The following IRS1 variants were observed in gnomAD, a reference collection of about 807,000 sequenced individuals.
The protein encoded by IRS1 is insulin receptor substrate 1.
A neutral mutation model predicts 65.6 loss-of-function variants in IRS1; 34 were observed. The observed-to-expected ratio is 0.52, with a 90% confidence interval of 0.39 to 0.69. The LOEUF is 0.69. IRS1 is among the 30% of genes least tolerant of loss of function. The pLI is 0.00. For synonymous variants in IRS1, 699 were observed against 683.5 expected, an observed-to-expected ratio of 1.02 and a Z score of -0.35; for missense variants, 1,641 against 1,720.2, an observed-to-expected ratio of 0.95 and a Z score of 0.81.
At chr2:226,765,265 A>T (rs898968666) in intron 1 of IRS1, among the ~76,000 whole-genome samples, 2 of 152,208 alleles carry the variant, frequency 1.3e-5, no homozygotes, top group African/African-American at 4.8e-5. Context: ...TCTTAGAAAA[A>T]ATCTGCTTAG....
Position 226,799,430 on chromosome 2 carries a change from G to C in IRS1, c.-692C>G. On this transcript the variant is annotated 5_prime_UTR_variant, in exon 1 of 2. Transcript: ENST00000305123. This position sits in a 1 kb window ranked among gnomAD's most constrained non-coding sequence, Gnocchi z 6.1. ...GCGCGTCCTCTGCAGCCCCCATCCG[G>C]GCCCATCTCGGCGGGTGGAGAAAGT... The C allele has an allele frequency of 8.3e-7, 1 of 1,211,068 alleles. No individual in the cohort carries two copies. Among genetic ancestry groups the C allele is most frequent in the Non-Finnish European group, 1.1e-6 (1 of 948,134 alleles). The allele number at this position is 1,211,068 out of a possible 1,614,324, so 75.0% of individuals were successfully genotyped here.
intron 1 of IRS1, among the ~76,000 whole-genome samples, chr2:226,766,153 A>ATTT (rs1422570346): frequency 0.018 from 88 of 4,790 alleles, no homozygotes; most frequent in Non-Finnish European, 0.033. Context: ...ATATATATAT[A>ATTT]TATATATATA....
chr2:226,739,627 C>T (rs994851094), intron 1 of IRS1, among the ~76,000 whole-genome samples: 6 of 152,156 alleles, frequency 3.9e-5, no homozygotes, highest in African/African-American at 1.4e-4. Context: ...GTTCCAAAAT[C>T]AGAGTTGTGT....
chr2:226,750,088 A>G (rs1291426666), intron 1 of IRS1, among the ~76,000 whole-genome samples: 1 of 152,016 alleles, frequency 6.6e-6, no homozygotes, highest in Non-Finnish European at 1.5e-5. Flanking sequence ...TGTCTCTACT[A>G]AAAATACAAA....
In IRS1 at chr2:226,734,860, T is replaced by C. The variant is rs1938296346; in HGVS notation, c.*1412A>G. The C allele has an allele frequency of 1.3e-5, 2 of 152,188 alleles. No homozygotes were observed. The highest frequency in any genetic ancestry group is 6.6e-5 in the Admixed American group (1 of 15,264). The allele number at this position is 152,188 out of a possible 1,614,324, so 9.4% of individuals were successfully genotyped here. A position where few individuals can be genotyped will look rare whatever the true frequency, so the allele number is the denominator to read the frequency against. On this transcript the variant is annotated 3_prime_UTR_variant, in exon 2 of 2. Coordinates refer to ENST00000305123, the MANE Select transcript of IRS1 (RefSeq NM_005544.3). Reference sequence around the variant, plus strand: ...TAACATTTTCACTGCTGGCTAGGTGTTTCAGTAGCAGGTCATTAAGCTTTT... The same window carrying C: ...TAACATTTTCACTGCTGGCTAGGTGCTTCAGTAGCAGGTCATTAAGCTTTT...
In IRS1 at chr2:226,799,665, C is replaced by T. The variant is rs1449763337; in HGVS notation, c.-927G>A. 1.0e-6 allele frequency: 1 copy of T among 999,598 alleles called. No homozygotes were observed. Among genetic ancestry groups the T allele is most frequent in the Non-Finnish European group, 1.2e-6 (1 of 829,756 alleles). The allele number at this position is 999,598 out of a possible 1,614,324, so 61.9% of individuals were successfully genotyped here. ...TGCAGTTACTTCTCCCCTCCTCCCT[C>T]CTCCTCCTCCTCCTCGGAGAGTTGC... On this transcript the variant is annotated 5_prime_UTR_variant, in exon 1 of 2. Coordinates refer to ENST00000305123, the MANE Select transcript of IRS1 (RefSeq NM_005544.3). This position sits in a 1 kb window ranked among gnomAD's most constrained non-coding sequence, Gnocchi z 6.1.
intron 1 of IRS1, among the ~76,000 whole-genome samples, chr2:226,757,707 A>G (rs1938833523): frequency 6.6e-6 from 1 of 152,316 alleles, no homozygotes; most frequent in East Asian, 1.9e-4. Flanking sequence ...TTTTCATTTC[A>G]TATCTGTGCT....
At chr2:226,785,853 A>G (rs1226598656) in intron 1 of IRS1, among the ~76,000 whole-genome samples, 5 of 148,390 alleles carry the variant, frequency 3.4e-5, no homozygotes, top group African/African-American at 1.3e-4. Flanking sequence ...TTAACTCGTC[A>G]TTTAGCATTA....
intron 1 of IRS1, among the ~76,000 whole-genome samples, chr2:226,764,028 G>A (rs933943122): frequency 2.6e-5 from 4 of 151,876 alleles, no homozygotes; most frequent in Non-Finnish European, 5.9e-5. Flanking sequence ...ACACAACTCT[G>A]TAGTTCATGC....
At chr2:226,781,757 G>A (rs985460965) in intron 1 of IRS1, among the ~76,000 whole-genome samples, 22 of 152,084 alleles carry the variant, frequency 1.4e-4, no homozygotes, top group African/African-American at 5.1e-4. Context: ...ACTTGTGAGG[G>A]ACTAAAGGCT....
intron 1 of IRS1, among the ~76,000 whole-genome samples, chr2:226,770,663 A>C (rs1158084468): frequency 6.6e-6 from 1 of 152,258 alleles, no homozygotes; most frequent in Non-Finnish European, 1.5e-5. Context: ...GATACAAAAC[A>C]GACAAAGCAT....
chr2:226,774,426 G>A lies in IRS1; in HGVS notation c.*21+20563C>T, dbSNP rs574855528. 1.2e-4 allele frequency among the ~76,000 whole-genome samples: 19 copies of A among 152,232 alleles called. No homozygotes were observed. In the South Asian group the frequency reaches 3.7e-3, roughly 30 times the overall value. On this transcript the variant is annotated intron_variant, in intron 1 of 1. Coordinates refer to ENST00000305123, the MANE Select transcript of IRS1 (RefSeq NM_005544.3). ...CAAATTAAAATGGAGAGAACATGGGGAAATCGGGAAGCAAATGTCCAACTA... is the reference window on the plus strand; with the variant it reads ...CAAATTAAAATGGAGAGAACATGGGAAAATCGGGAAGCAAATGTCCAACTA...
intron 1 of IRS1, among the ~76,000 whole-genome samples, chr2:226,762,459 C>G (rs762211354): frequency 6.6e-6 from 1 of 151,878 alleles, no homozygotes. Context: ...ACTCATTGCA[C>G]TAAAAGTTTT....
intron 1 of IRS1, among the ~76,000 whole-genome samples, chr2:226,789,242 T>A (rs1412016300): frequency 6.6e-6 from 1 of 152,198 alleles, no homozygotes; most frequent in African/African-American, 2.4e-5. Context: ...CATAAGTCCG[T>A]GGAGTTTCTT....
Position 226,797,431 on chromosome 2 carries a change from G to A in IRS1, c.1308C>T (p.Cys436=), listed in dbSNP as rs1303243317. Residue 436 remains cysteine (C), a synonymous_variant, in exon 1 of 2, where the codon TGC becomes TGT. Transcript: ENST00000305123. This position sits in a 1 kb window ranked among gnomAD's most constrained non-coding sequence, Gnocchi z 8.1. The stretch of plus-strand genomic sequence containing the variant: ...CACTGCGGAAGGAACTCCGGAAATC[G>A]CAGGGACTGGAGCCATACTCATCCG... ...ISSDEYGSSP[C]DFRSSFRSVT... 6 of 1,612,794 alleles carry A rather than the reference G, an allele frequency of 3.7e-6. No homozygotes were observed. The highest frequency in any genetic ancestry group is 3.4e-6 in the Non-Finnish European group (4 of 1,179,626).
At position 226,731,764 on chromosome 2, in the gene IRS1, T is replaced by A. The variant is rs1213618336; in HGVS notation, c.*4508A>T. The A allele has an allele frequency of 1.3e-5, 2 of 151,850 alleles. No homozygotes were observed. Among genetic ancestry groups the A allele is most frequent in the African/African-American group, 4.8e-5 (2 of 41,314 alleles). The allele number at this position is 151,850 out of a possible 1,614,324, so 9.4% of individuals were successfully genotyped here. A position where few individuals can be genotyped will look rare whatever the true frequency, so the allele number is the denominator to read the frequency against. On this transcript the variant is annotated 3_prime_UTR_variant, in exon 2 of 2. Transcript: ENST00000305123. Reference sequence around the variant, plus strand: ...TGGCCCACCCTGTAGCCAAGAGGTGTAAGGAAAGTACTTTGCAAGAAAAAA... The same window carrying A: ...TGGCCCACCCTGTAGCCAAGAGGTGAAAGGAAAGTACTTTGCAAGAAAAAA...
chr2:226,757,002 T>TAAATAAAA (rs1349775472), intron 1 of IRS1, among the ~76,000 whole-genome samples: 4 of 147,200 alleles, frequency 2.7e-5, no homozygotes, highest in South Asian at 2.2e-4. Context: ...AATAAATAAA[T>TAAATAAAA]AAAATACAAT....
intron 1 of IRS1, among the ~76,000 whole-genome samples, chr2:226,770,917 T>C (rs749417017): frequency 2.0e-4 from 30 of 152,250 alleles, no homozygotes; most frequent in Non-Finnish European, 3.4e-4. Context: ...CTGGACTCTT[T>C]GGAAGGCTGA....
chr2:226,743,158 AG>A (rs1269147543), intron 1 of IRS1, among the ~76,000 whole-genome samples: 2 of 151,486 alleles, frequency 1.3e-5, no homozygotes, highest in South Asian at 2.1e-4. Flanking sequence ...AAAAGGACTT[AG>A]GAAAAAAAAA....
Sources: allele counts gnomAD v4.1 joint callset (sites outside exome capture counted in the v4.1 genomes callset), GRCh38; gene constraint gnomAD v4.1.1; non-coding constraint Gnocchi (gnomAD v3.1); transcripts MANE v1.5; gene names NCBI Gene and HGNC (gene_info 2026-07-23, HGNC 2026-07-21).